The following FOXN3 variants were observed in gnomAD, a reference collection of about 807,000 sequenced individuals.
FOXN3 encodes the protein forkhead box protein N3.
Under a neutral mutation model 38.4 loss-of-function variants are expected in FOXN3, and 7 were observed. The observed-to-expected ratio is 0.18, with a 90% CI of 0.10 to 0.34. FOXN3 has a LOEUF of 0.34. Ranked by LOEUF, FOXN3 falls within the 10% of genes least tolerant of loss-of-function variation. The pLI, the probability that FOXN3 is intolerant of heterozygous loss-of-function variation, is 1.00. For missense variants in FOXN3, 456 were observed against 613.4 expected (o/e 0.74, Z 2.71); for synonymous variants, 230 against 242.2 (o/e 0.95, Z 0.47).
At chr14:89,544,629 C>G (rs993804582) in intron 1 of FOXN3, among the ~76,000 whole-genome samples, 4 of 152,158 alleles carry the variant, frequency 2.6e-5, no homozygotes, top group Non-Finnish European at 5.9e-5. Flanking sequence ...GGCCTCTTCT[C>G]ATCAGCTACA....
intron 2 of FOXN3, chr14:89,351,163 T>G (rs566824546): frequency 6.3e-6 from 1 of 159,456 alleles, no homozygotes; most frequent in African/African-American, 2.4e-5. Flanking sequence ...GTCAGATTTC[T>G]AAAGTTTGGG....
intron 4 of FOXN3, among the ~76,000 whole-genome samples, chr14:89,184,481 C>G (rs917186145): frequency 6.6e-6 from 1 of 152,214 alleles, no homozygotes; most frequent in Non-Finnish European, 1.5e-5. Context: ...GAGAGGAAAA[C>G]TAGGAAAGGA....
intron 2 of FOXN3, among the ~76,000 whole-genome samples, chr14:89,351,931 T>C (rs34745700): frequency 0.014 from 2,180 of 152,314 alleles, 27 homozygotes; most frequent in Non-Finnish European, 0.025. Flanking sequence ...TTTAAAAAAA[T>C]CTGTGTTTCA....
chr14:89,281,110 A>C, intron 3 of FOXN3, 96 bp from the exon 4 acceptor site: 1 of 1,088,456 alleles, frequency 9.2e-7, no homozygotes, highest in South Asian at 1.3e-5. Context: ...TTCCCCAAGT[A>C]TGCATTACTG....
intron 3 of FOXN3, among the ~76,000 whole-genome samples, chr14:89,304,033 AG>A (rs1440497536): frequency 2.3e-4 from 35 of 152,256 alleles, no homozygotes; most frequent in African/African-American, 8.2e-4. Context: ...TGATAGTTGA[AG>A]GCAGCCGTTT....
chr14:89,257,741 T>C (rs1885669757), intron 4 of FOXN3, among the ~76,000 whole-genome samples: 1 of 152,086 alleles, frequency 6.6e-6, no homozygotes, highest in South Asian at 2.1e-4. Flanking sequence ...CAGAGTGAGA[T>C]CCTATCTCCA....
At chr14:89,501,389 C>T (rs1180267044) in intron 1 of FOXN3, among the ~76,000 whole-genome samples, 2 of 152,244 alleles carry the variant, frequency 1.3e-5, no homozygotes, top group South Asian at 2.1e-4. Flanking sequence ...CGGGAGTGGA[C>T]GAGCTGGCAC....
chr14:89,264,494 A>G (rs957762785), intron 4 of FOXN3, among the ~76,000 whole-genome samples: 1 of 152,214 alleles, frequency 6.6e-6, no homozygotes, highest in Non-Finnish European at 1.5e-5. Flanking sequence ...TATGAGAGCT[A>G]CAATTCAAGA....
At chr14:89,491,077 C>T (rs1893561593) in intron 1 of FOXN3, among the ~76,000 whole-genome samples, 4 of 152,082 alleles carry the variant, frequency 2.6e-5, no homozygotes, top group Admixed American at 6.5e-5. Flanking sequence ...CGGGTTCAAG[C>T]GATTCTCCTG....
intron 3 of FOXN3, among the ~76,000 whole-genome samples, chr14:89,346,950 C>T (rs375500234): frequency 2.0e-5 from 3 of 152,136 alleles, no homozygotes; most frequent in Admixed American, 6.5e-5. Flanking sequence ...TGCTCATCAC[C>T]GTCCCAGCTT....
At chr14:89,214,470 T>C (rs1884199627) in intron 4 of FOXN3, among the ~76,000 whole-genome samples, 1 of 152,232 alleles carries the variant, frequency 6.6e-6, no homozygotes, top group African/African-American at 2.4e-5. Context: ...AACAAAGGCC[T>C]GGGCTCCATG....
At chr14:89,456,784 T>C (rs534582517) in intron 1 of FOXN3, among the ~76,000 whole-genome samples, 1 of 152,064 alleles carries the variant, frequency 6.6e-6, no homozygotes, top group African/African-American at 2.4e-5. Context: ...AATAAGTGAA[T>C]GAAAGATGCA....
chr14:89,381,571 G>A (rs1890650494), intron 2 of FOXN3, among the ~76,000 whole-genome samples: 1 of 146,336 alleles, frequency 6.8e-6, no homozygotes. Flanking sequence ...CTTAAGTGAA[G>A]GTACAGGCCA....
chr14:89,360,771 ACCT>A (rs1566966454), intron 2 of FOXN3, among the ~76,000 whole-genome samples: 1 of 84,276 alleles, frequency 1.2e-5, no homozygotes, highest in South Asian at 4.6e-4. Context: ...CACCACTACC[ACCT>A]CCACCACCAC....
chr14:89,476,332 G>T (rs1159471501), intron 1 of FOXN3, among the ~76,000 whole-genome samples: 2 of 152,078 alleles, frequency 1.3e-5, no homozygotes, highest in African/African-American at 4.8e-5. Flanking sequence ...TCCTTCAAGA[G>T]ATCCCAACTT....
At chr14:89,494,613 C>A (rs1183569825) in intron 1 of FOXN3, among the ~76,000 whole-genome samples, 2 of 152,104 alleles carry the variant, frequency 1.3e-5, no homozygotes, top group Non-Finnish European at 2.9e-5. Flanking sequence ...TGGAATGGCA[C>A]CAGAAGAAAG....
rs972693577 is a variant in FOXN3, at chr14:89,417,139, C to T, written c.-283G>A. ...GGCCCCGCCGCTCTCCCCGCCCCGT[C>T]CCGCCTCCCGCTCGCCTCCGCCGCG... On this transcript the variant is annotated 5_prime_UTR_variant, in exon 1 of 6. Coordinates refer to ENST00000557258, the MANE Select transcript of FOXN3 (RefSeq NM_005197.4). The T allele has an allele frequency of 2.8e-5, 4 of 144,826 alleles. No individual in the cohort carries two copies. The highest frequency in any genetic ancestry group is 6.1e-5 in the Non-Finnish European group (4 of 65,234). The allele number at this position is 144,826 out of a possible 1,614,324, so 9.0% of individuals were successfully genotyped here.
intron 1 of FOXN3, among the ~76,000 whole-genome samples, chr14:89,498,805 T>G (rs1596298209): frequency 2.0e-5 from 1 of 49,548 alleles, no homozygotes. Flanking sequence ...GGGGGGCTCT[T>G]GGTGGGTGGG....
In FOXN3 at chr14:89,180,740, G is replaced by T. The variant is rs778198863; in HGVS notation, c.812C>A (p.Pro271Gln). ...LSRGLFPGVRPLPITPIGVTA... is the reference protein window; with the variant it reads ...LSRGLFPGVRQLPITPIGVTA... ...CACCCCAATGGGAGTGATTGGCAGC[G>T]GCCGCACGCCAGGAAACAGCCCTCG... is the stretch of plus-strand genomic sequence containing the variant. The change falls in exon 5 of 6, where the codon CCG becomes CAG. Residue 271 changes from proline to glutamine, a missense_variant. Physicochemically the swap from Pro to Gln is moderately conservative, Grantham distance 76 (BLOSUM62 -1). Transcript: ENST00000557258. 1 of 1,611,984 alleles carries T rather than the reference G, an allele frequency of 6.2e-7. No homozygotes were observed. Among genetic ancestry groups the T allele is most frequent in the African/African-American group, 1.3e-5 (1 of 74,888 alleles).
Sources: gnomAD v4.1 joint callset for allele counts (sites outside exome capture counted in the v4.1 genomes callset) on GRCh38, gnomAD v4.1.1 for gene constraint, MANE v1.5 for transcripts, NCBI Gene and HGNC (gene_info 2026-07-23, HGNC 2026-07-21) for gene names.